NIPAL3: variants seen among roughly 807,000 people sequenced by gnomAD.
NIPAL3 encodes NIPA like domain containing 3.
NIPAL3 carries 41 observed loss-of-function variants against 47.2 expected under a neutral mutation model. That is an observed-to-expected ratio of 0.87 (90% CI 0.68 to 1.13). The LOEUF is 1.13. Among genes scored for constraint, NIPAL3 ranks in the 50% most tolerant of loss-of-function variants. The pLI is 0.00. For synonymous variants in NIPAL3, 194 were observed against 209.6 expected, an observed-to-expected ratio of 0.93 and a Z score of 0.64; for missense variants, 449 against 530.1, an observed-to-expected ratio of 0.85 and a Z score of 1.50.
rs56082168 is a variant in NIPAL3, at chr1:24,428,258, AAGAGAGAGAGAGAGAGAGAG to A, written c.93+8644_93+8663del. On this transcript the variant is annotated intron_variant, in intron 2 of 11. Coordinates refer to ENST00000374399, the MANE Select transcript of NIPAL3 (RefSeq NM_020448.5). ...AGAGCGAGACCCTGTCTCAAAAAGAAAGAGAGAGAGAGAGAGAGAGAGAGAGAGAGAGAGAGAGAGAGAGA... is the reference window on the plus strand; with the variant it reads ...AGAGCGAGACCCTGTCTCAAAAAGAAAGAGAGAGAGAGAGAGAGAGAGAGA... Among the ~76,000 whole-genome samples the A allele has an allele frequency of 1.9e-3, 225 of 119,552 alleles. 2 individuals are homozygous for A. Among genetic ancestry groups the A allele is most frequent in the East Asian group, 6.9e-3 (26 of 3,776 alleles). 78.4% of individuals were successfully genotyped at this position (119,552 alleles called of 152,430 possible).
At chr1:24,459,799 G>C (rs1034251537) in intron 9 of NIPAL3, among the ~76,000 whole-genome samples, 1 of 152,242 alleles carries the variant, frequency 6.6e-6, no homozygotes, top group Admixed American at 6.5e-5. Context: ...GTCAAGAAGC[G>C]TGAAGTCCAG....
At position 24,454,102 on chromosome 1, in the gene NIPAL3, C is replaced by A; in HGVS notation, c.637+598C>A. ...AGTGCAGTGGTACAATCTTAGCTCT[C>A]TGCAGCCTTGACCTCCTGGCCTCAA... On this transcript the variant is annotated intron_variant, in intron 7 of 11. Coordinates refer to ENST00000374399, the MANE Select transcript of NIPAL3 (RefSeq NM_020448.5). The surrounding 1 kb of genome is among the most constrained non-coding windows in gnomAD (Gnocchi z 4.1). The A allele has an allele frequency of 1.0e-6, 1 of 991,214 alleles. No individual in the cohort carries two copies. The highest frequency in any genetic ancestry group is 1.4e-6 in the Non-Finnish European group (1 of 724,360). The allele number at this position is 991,214 out of a possible 1,614,324, so 61.4% of individuals were successfully genotyped here.
At chr1:24,467,400 G>A (rs556605851) in intron 11 of NIPAL3, among the ~76,000 whole-genome samples, 12 of 152,258 alleles carry the variant, frequency 7.9e-5, no homozygotes, top group Admixed American at 2.0e-4. Flanking sequence ...AACCCAGGAG[G>A]TGGAGCTTGC....
At chr1:24,440,261 C>G (rs1443606216) in intron 3 of NIPAL3, 21 bp downstream of exon 3, 1 of 1,562,670 alleles carries the variant, frequency 6.4e-7, no homozygotes, top group Non-Finnish European at 8.7e-7. Context: ...GTTACCAGCA[C>G]TGTCTGGGGA....
chr1:24,433,031 C>T (rs954266811), intron 2 of NIPAL3: 6 of 152,176 alleles, frequency 3.9e-5, no homozygotes, highest in African/African-American at 1.4e-4. Context: ...AATCTGTATC[C>T]GTAAACCCTC....
At chr1:24,457,883 G>T in intron 8 of NIPAL3, 1 of 507,558 alleles carries the variant, frequency 2.0e-6, no homozygotes, top group Non-Finnish European at 4.0e-6. Context: ...TGTTATTTTG[G>T]TTATTATTTT....
Position 24,460,464 on chromosome 1 carries a change from A to G in NIPAL3, c.863-17A>G. ...TGAAAACAGCTCAGCGGTATTTTCT[A>G]TGATTTGCTGCTGCAGGTGCAATAT... On this transcript the variant is annotated splice_polypyrimidine_tract_variant and intron_variant, in intron 9 of 11. Transcript: ENST00000374399. 1.9e-6 allele frequency: 3 copies of G among 1,584,440 alleles called. No homozygotes were observed. Among genetic ancestry groups the G allele is most frequent in the Non-Finnish European group, 2.6e-6 (3 of 1,167,598 alleles).
intron 2 of NIPAL3, among the ~76,000 whole-genome samples, chr1:24,426,647 G>A (rs1644604197): frequency 6.6e-6 from 1 of 152,150 alleles, no homozygotes; most frequent in African/African-American, 2.4e-5. Context: ...AGAGCGGTGT[G>A]GGGAGACCCT....
At chr1:24,442,758 C>A (rs1645454658) in intron 4 of NIPAL3, among the ~76,000 whole-genome samples, 1 of 152,092 alleles carries the variant, frequency 6.6e-6, no homozygotes, top group Non-Finnish European at 1.5e-5. Context: ...TGAGACCAGC[C>A]TGGGCAACAT....
chr1:24,457,870 T>C, intron 8 of NIPAL3: 1 of 521,554 alleles, frequency 1.9e-6, no homozygotes, highest in Middle Eastern at 3.2e-4. Context: ...TTGGCCTTGC[T>C]ATTGTTATTT....
chr1:24,456,617 G>A (rs1202015663), intron 8 of NIPAL3, among the ~76,000 whole-genome samples: 2 of 152,142 alleles, frequency 1.3e-5, no homozygotes, highest in Admixed American at 1.3e-4. Context: ...AATAAAATTA[G>A]CTGGGCATGG....
At chr1:24,456,061 G>T (rs1219056246) in intron 7 of NIPAL3, 77 bp from the exon 8 acceptor site, 2 of 1,569,532 alleles carry the variant, frequency 1.3e-6, no homozygotes, top group Non-Finnish European at 1.7e-6. Flanking sequence ...GTCCTTTGGG[G>T]TTATAGACTG....
Position 24,469,124 on chromosome 1 carries a change from A to G in NIPAL3, c.1160A>G (p.His387Arg), listed in dbSNP as rs767192837. The change falls in exon 12 of 12, where the codon CAC (histidine) becomes CGC (arginine). Residue 387 changes from histidine (H) to arginine (R), a missense_variant. By Grantham distance (29) the His-to-Arg change is conservative. Coordinates refer to ENST00000374399, the MANE Select transcript of NIPAL3 (RefSeq NM_020448.5). ...PATLPVMQEE[H>R]GSRSASGVPY... ...ACCCTGCCAGTCATGCAAGAAGAGC[A>G]CGGCTCCAGAAGTGCCTCTGGGGTC... is the stretch of plus-strand genomic sequence containing the variant. The G allele has an allele frequency of 2.2e-5, 36 of 1,614,054 alleles. No homozygotes were observed. The highest frequency in any genetic ancestry group is 2.9e-5 in the Non-Finnish European group (34 of 1,180,040).
In NIPAL3 at chr1:24,453,417, A is replaced by T. The variant is rs139848950; in HGVS notation, c.550A>T (p.Ile184Phe). ...WPFLLYMLVEIILFCLLLYFY... is the reference protein window; with the variant it reads ...WPFLLYMLVEFILFCLLLYFY... ...TTGCTGCCTTCCACAGCTGGTGGAG[A>T]TCATTCTGTTCTGCTTGCTGCTCTA... The change falls in exon 7 of 12, where the codon ATC becomes TTC. Residue 184 changes from isoleucine to phenylalanine, a missense_variant. By Grantham distance (21) the Ile-to-Phe change is conservative (BLOSUM62 0). Transcript: ENST00000374399. 5.6e-6 allele frequency: 9 copies of T among 1,612,598 alleles called. No homozygotes were observed. The African/African-American group carries it at 1.2e-4, about 22-fold the overall frequency.
At position 24,456,273 on chromosome 1, in the gene NIPAL3, C is replaced by T. The variant is rs141630558; in HGVS notation, c.773C>T (p.Ala258Val). The T allele has an allele frequency of 1.3e-4, 206 of 1,614,212 alleles. No homozygotes were observed. In the African/African-American group the frequency reaches 2.2e-3, roughly 17 times the overall value. Residue 258 changes from alanine to valine, a missense_variant and splice_region_variant, in exon 8 of 12, where the codon GCG becomes GTG. Coordinates refer to ENST00000374399, the MANE Select transcript of NIPAL3 (RefSeq NM_020448.5). ...CMVATAVYQAAFLSQASQMYD... is the reference protein window; with the variant it reads ...CMVATAVYQAVFLSQASQMYD... ...GTGGCAACCGCCGTCTATCAGGCTG[C>T]GTGAGTTACAAATCCTTTTCCTGCT...
At position 24,471,299 on chromosome 1, in the gene NIPAL3, C is replaced by T. The variant is rs1646892974; in HGVS notation, c.*2114C>T. ...TCAAAGCTAAGTAGTGGAAGCTGGGCACAGTGGCTCATGCCTGCAATCCCA... is the reference window on the plus strand; with the variant it reads ...TCAAAGCTAAGTAGTGGAAGCTGGGTACAGTGGCTCATGCCTGCAATCCCA... On this transcript the variant is annotated 3_prime_UTR_variant, in exon 12 of 12. Coordinates refer to ENST00000374399, the MANE Select transcript of NIPAL3 (RefSeq NM_020448.5). The T allele has an allele frequency of 6.6e-6, 1 of 152,656 alleles. No homozygotes were observed. Among genetic ancestry groups the T allele is most frequent in the African/African-American group, 2.4e-5 (1 of 41,460 alleles). 9.5% of individuals were successfully genotyped at this position (152,656 alleles called of 1,614,324 possible). A position where few individuals can be genotyped will look rare whatever the true frequency, so the allele number is the denominator to read the frequency against.
intron 5 of NIPAL3, among the ~76,000 whole-genome samples, chr1:24,445,866 A>AT (rs758802736): frequency 3.3e-5 from 5 of 152,200 alleles, no homozygotes; most frequent in Admixed American, 6.5e-5. Flanking sequence ...TTTTAAGAAG[A>AT]TTAGCTCCAC....
chr1:24,428,629 T>G (rs573714748), intron 2 of NIPAL3, among the ~76,000 whole-genome samples: 3 of 152,312 alleles, frequency 2.0e-5, no homozygotes, highest in African/African-American at 7.2e-5. Context: ...GTTTCTCCTG[T>G]GTCTTTGGGT....
intron 6 of NIPAL3, among the ~76,000 whole-genome samples, chr1:24,452,710 TTATTTATG>T (rs912172622): frequency 1.6e-4 from 25 of 152,016 alleles, no homozygotes; most frequent in Admixed American, 8.5e-4. Context: ...CTCATATTCT[TTATTTATG>T]TATTTATTTA....
Sources: allele counts gnomAD v4.1 joint callset (sites outside exome capture counted in the v4.1 genomes callset), GRCh38; gene constraint gnomAD v4.1.1; non-coding constraint Gnocchi (gnomAD v3.1); transcripts MANE v1.5; gene names NCBI Gene and HGNC (gene_info 2026-07-23, HGNC 2026-07-21).